The following PPIH variants were observed in gnomAD, a reference collection of about 807,000 sequenced individuals.
PPIH encodes the protein peptidylprolyl isomerase H, also known as peptidyl-prolyl cis-trans isomerase H.
Under a neutral mutation model 27.6 loss-of-function variants are expected in PPIH, and 16 were observed. The observed-to-expected ratio is 0.58, with a 90% confidence interval of 0.39 to 0.88. The LOEUF (loss-of-function observed/expected upper bound fraction) is 0.88, where lower values mean the gene tolerates loss of function less well. Among genes scored for constraint, PPIH ranks in the 40% least tolerant of loss-of-function variants. The pLI, the probability that PPIH is intolerant of heterozygous loss-of-function variation, is 0.00. For missense variants in PPIH, 155 were observed against 224.1 expected, an observed-to-expected ratio of 0.69 and a Z score of 1.97; for synonymous variants, 63 against 76.1, an observed-to-expected ratio of 0.83 and a Z score of 0.90.
chr1:42,661,905 C>T (rs1317798308), intron 5 of PPIH, among the ~76,000 whole-genome samples: 1 of 152,108 alleles, frequency 6.6e-6, no homozygotes, highest in African/African-American at 2.4e-5. Context: ...CTGCATTTCT[C>T]ACAGTGGCAG....
intron 5 of PPIH, among the ~76,000 whole-genome samples, chr1:42,664,107 A>G (rs943138262): frequency 2.0e-5 from 3 of 152,184 alleles, no homozygotes; most frequent in African/African-American, 7.2e-5. Context: ...AGAAATTGGG[A>G]GTTTATAATA....
chr1:42,668,528 A>G (rs1052440064), intron 9 of PPIH, among the ~76,000 whole-genome samples: 2 of 152,196 alleles, frequency 1.3e-5, no homozygotes, highest in African/African-American at 4.8e-5. Context: ...CCACAATATT[A>G]TCTAATATAT....
chr1:42,663,105 C>T (rs1246783135), intron 5 of PPIH, among the ~76,000 whole-genome samples: 11 of 152,148 alleles, frequency 7.2e-5, no homozygotes, highest in Non-Finnish European at 1.0e-4. Context: ...GAGAATGGCA[C>T]GGTAACTGAT....
chr1:42,675,348 C>T (rs1649830753), intron 9 of PPIH: 1 of 152,258 alleles, frequency 6.6e-6, no homozygotes, highest in Admixed American at 6.5e-5. Flanking sequence ...ATTGCTGATC[C>T]CTCCACCTCC....
chr1:42,659,497 C>T (rs1648881654), intron 3 of PPIH, 25 bp from the exon 4 acceptor site: 2 of 1,614,184 alleles, frequency 1.2e-6, no homozygotes, highest in Non-Finnish European at 1.7e-6. Context: ...GCTGTCACTC[C>T]AAGTCTCTTT....
At chr1:42,667,512 C>G in intron 9 of PPIH, 72 bp downstream of exon 9, 2 of 1,318,822 alleles carry the variant, frequency 1.5e-6, no homozygotes, top group Non-Finnish European at 2.1e-6. Flanking sequence ...GTGGAAAGAA[C>G]TTTAGTCTTG....
downstream of PPIH, among the ~76,000 whole-genome samples, chr1:42,679,429 A>G (rs1335793680): frequency 6.6e-6 from 1 of 152,166 alleles, no homozygotes; most frequent in Non-Finnish European, 1.5e-5. Context: ...ACTTCAAGTG[A>G]TCCGCCTGCC....
intron 9 of PPIH, among the ~76,000 whole-genome samples, chr1:42,670,970 A>G (rs1649601379): frequency 6.6e-6 from 1 of 151,754 alleles, no homozygotes; most frequent in African/African-American, 2.4e-5. Context: ...TATTTTTTGT[A>G]TTTTTAGTAG....
chr1:42,673,821 G>A (rs1252718773), intron 9 of PPIH, among the ~76,000 whole-genome samples: 2 of 152,228 alleles, frequency 1.3e-5, no homozygotes, highest in African/African-American at 4.8e-5. Flanking sequence ...CAATATTGAA[G>A]TTCAAATAGT....
Position 42,658,897 on chromosome 1 carries a change from C to T in PPIH, c.120C>T (p.Ala40=), listed in dbSNP as rs1161234740. Residue 40 remains alanine, a synonymous_variant, in exon 2 of 10, where the codon GCC becomes GCT. Coordinates refer to ENST00000304979, the MANE Select transcript of PPIH (RefSeq NM_006347.4). ...TTGCAGACGTTGTGCCTAAGACGGC[C>T]GAGAACTTTAGGTAAGGACGTGCTC... ...ELFADVVPKT[A]ENFRQFCTGE... is the part of the protein sequence containing the mutation. 5 of 1,614,078 alleles carry T rather than the reference C, an allele frequency of 3.1e-6. No homozygotes were observed. In the African/African-American group the frequency reaches 5.3e-5, roughly 17 times the overall value.
At chr1:42,668,765 G>C (rs528404236) in intron 9 of PPIH, among the ~76,000 whole-genome samples, 2 of 152,144 alleles carry the variant, frequency 1.3e-5, no homozygotes, top group Non-Finnish European at 2.9e-5. Flanking sequence ...TTATTAGTTT[G>C]ATGTATGTCC....
In PPIH at chr1:42,667,365, C is replaced by A; in HGVS notation, c.480C>A (p.Gly160=). Residue 160 remains glycine, a synonymous_variant, in exon 9 of 10, where the codon GGC becomes GGA. Coordinates refer to ENST00000304979, the MANE Select transcript of PPIH (RefSeq NM_006347.4). Reference sequence around the variant, plus strand: ...TTTTTTCCTAGAATGTTCCCACAGGCCCCAACAATAAGCCCAAGCTACCTG... The same window carrying A: ...TTTTTTCCTAGAATGTTCCCACAGGACCCAACAATAAGCCCAAGCTACCTG... The part of the protein sequence containing the change: ...VMRKIENVPT[G]PNNKPKLPVV... The A allele has an allele frequency of 6.2e-7, 1 of 1,607,036 alleles. No homozygotes were observed. The highest frequency in any genetic ancestry group is 1.1e-5 in the South Asian group (1 of 90,932).
intron 9 of PPIH, among the ~76,000 whole-genome samples, chr1:42,671,418 A>G (rs1347546216): frequency 6.6e-6 from 1 of 152,142 alleles, no homozygotes; most frequent in African/African-American, 2.4e-5. Context: ...ACAGAGCGAG[A>G]CCCTGTCTCA....
intron 5 of PPIH, among the ~76,000 whole-genome samples, chr1:42,663,751 A>G (rs529906636): frequency 2.6e-5 from 4 of 152,286 alleles, no homozygotes; most frequent in African/African-American, 9.6e-5. Context: ...TTAGGCAAAC[A>G]AAGGTTTGAA....
chr1:42,672,995 T>G (rs2148725860), intron 9 of PPIH, among the ~76,000 whole-genome samples: 1 of 151,104 alleles, frequency 6.6e-6, no homozygotes, highest in East Asian at 2.0e-4. Flanking sequence ...CAGTGAGTTC[T>G]GGGAGAGTTT....
At chr1:42,665,392 C>G (rs543129573) in intron 6 of PPIH, among the ~76,000 whole-genome samples, 1 of 152,070 alleles carries the variant, frequency 6.6e-6, no homozygotes, top group South Asian at 2.1e-4. Context: ...GCAACAAGAG[C>G]GAAACTCCAT....
At chr1:42,679,086 A>G (rs1482044978), downstream of PPIH, among the ~76,000 whole-genome samples, 2 of 152,212 alleles carry the variant, frequency 1.3e-5, no homozygotes, top group Non-Finnish European at 2.9e-5. Flanking sequence ...GGACAGCTGG[A>G]TGGTGTGAGC....
In PPIH at chr1:42,668,178, CT is replaced by C. The variant is rs542433376; in HGVS notation, c.*21+748del. On this transcript the variant is annotated intron_variant, in intron 9 of 9. Transcript: ENST00000304979. Reference sequence around the variant, plus strand: ...TGAGGGGTAGTGATGTTTTGTTTTTCTTTTTTTTTTATTTTCAAACCTGCAA... The same window carrying C: ...TGAGGGGTAGTGATGTTTTGTTTTTCTTTTTTTTTATTTTCAAACCTGCAA... Among the ~76,000 whole-genome samples, 669 of 149,146 alleles carry C rather than the reference CT, an allele frequency of 4.5e-3. 10 individuals carry two copies. The highest frequency in any genetic ancestry group is 4.4e-3 in the Non-Finnish European group (292 of 66,950).
At chr1:42,667,135 T>C (rs560599018) in intron 8 of PPIH, among the ~76,000 whole-genome samples, 2 of 152,350 alleles carry the variant, frequency 1.3e-5, no homozygotes, top group Admixed American at 1.3e-4. Flanking sequence ...CAATTCTCTC[T>C]TATAACTTTT....
Sources: gnomAD v4.1 joint callset for allele counts (sites outside exome capture counted in the v4.1 genomes callset) on GRCh38, gnomAD v4.1.1 for gene constraint, MANE v1.5 for transcripts, NCBI Gene and HGNC (gene_info 2026-07-23, HGNC 2026-07-21) for gene names.